The following TMPRSS11B variants were observed in gnomAD, a reference collection of about 807,000 sequenced individuals.
TMPRSS11B encodes the protein transmembrane protease serine 11B.
TMPRSS11B carries 53 observed loss-of-function variants against 44.7 expected under a neutral mutation model. The ratio of observed to expected loss-of-function variants is 1.19; its 90% CI spans 0.95 to 1.49. The LOEUF is 1.49. TMPRSS11B is among the 40% of genes most tolerant of loss of function. TMPRSS11B has a pLI of 0.00. For missense variants in TMPRSS11B, 526 were observed against 494.8 expected (o/e 1.06, Z -0.60); for synonymous variants, 140 against 159.2 (o/e 0.88, Z 0.91).
At chr4:68,232,472 G>T in intron 5 of TMPRSS11B, 56 bp from the exon 6 acceptor site, 1 of 1,489,282 alleles carries the variant, frequency 6.7e-7, no homozygotes, top group South Asian at 1.1e-5. Flanking sequence ...CCAAGCAATT[G>T]ACTTCAACCT....
rs1471330816 is a variant in TMPRSS11B at position 68,229,392 on chromosome 4, T to C, written c.811A>G (p.Ile271Val). ...NYSSPGLHDDIALVQLAEEVS... is the reference protein window; with the variant it reads ...NYSSPGLHDDVALVQLAEEVS... ...TCTTCAGCAAGCTGCACAAGGGCAA[T>C]ATCATCATGAAGCCCAGGACTGCTA... The change falls in exon 8 of 10, where the codon ATT (isoleucine) becomes GTT (valine). Residue 271 changes from isoleucine to valine, a missense_variant. Physicochemically the swap from Ile to Val is conservative, Grantham distance 29 (BLOSUM62 3). Transcript: ENST00000332644. 1 of 1,614,100 alleles carries C rather than the reference T, an allele frequency of 6.2e-7. No homozygotes were observed. Among genetic ancestry groups the C allele is most frequent in the Middle Eastern group, 1.7e-4 (1 of 6,060 alleles).
chr4:68,239,708 T>C (rs896246913), intron 2 of TMPRSS11B, among the ~76,000 whole-genome samples: 3 of 152,180 alleles, frequency 2.0e-5, no homozygotes, highest in Non-Finnish European at 4.4e-5. Context: ...CTCTAAAACA[T>C]TGTTTTATAC....
intron 8 of TMPRSS11B, among the ~76,000 whole-genome samples, 163 bp from the exon 9 acceptor site, chr4:68,229,047 C>T (rs572862754): frequency 6.6e-6 from 1 of 152,258 alleles, no homozygotes; most frequent in East Asian, 1.9e-4. Context: ...CTGCCTAACA[C>T]ATAATTTCAA....
chr4:68,236,588 C>T (rs1719674611), intron 2 of TMPRSS11B, among the ~76,000 whole-genome samples: 1 of 152,182 alleles, frequency 6.6e-6, no homozygotes, highest in African/African-American at 2.4e-5. Context: ...ATGATCCCCG[C>T]TTTCCCTTTA....
chr4:68,244,321 C>T (rs1421516798), intron 1 of TMPRSS11B, among the ~76,000 whole-genome samples: 1 of 152,158 alleles, frequency 6.6e-6, no homozygotes, highest in African/African-American at 2.4e-5. Context: ...AATGAATCTA[C>T]TTCAAATAAG....
Position 68,234,488 on chromosome 4 carries a change from TG to T in TMPRSS11B, c.443del (p.Ala148GlufsTer28). 1 of 1,613,980 alleles carries T rather than the reference TG, an allele frequency of 6.2e-7. No homozygotes were observed. Among genetic ancestry groups the T allele is most frequent in the East Asian group, 2.2e-5 (1 of 44,840 alleles). On this transcript the variant is annotated frameshift_variant, in exon 5 of 10. Coordinates refer to ENST00000332644, the MANE Select transcript of TMPRSS11B (RefSeq NM_182502.3). LOFTEE classifies it high-confidence loss of function. ...MLKNNMASWN[A>X]VPASIKLMEI... ...CCATGAGTTTAATGGAAGCAGGAAC[TG>T]CATTCCAGGATGCCATGTTGTTTTT...
chr4:68,228,794 G>A lies in TMPRSS11B; in HGVS notation c.1037C>T (p.Thr346Ile). 6.2e-7 allele frequency: 1 copy of A among 1,613,758 alleles called. No individual in the cohort carries two copies. Among genetic ancestry groups the A allele is most frequent in the Non-Finnish European group, 8.5e-7 (1 of 1,179,824 alleles). Residue 346 changes from threonine to isoleucine, a missense_variant, in exon 9 of 10, where the codon ACT (threonine) becomes ATT (isoleucine). By Grantham distance (89) the Thr-to-Ile change is moderately conservative. Transcript: ENST00000332644. ...AAATCCAGCACATAACATTGTATCAGTCACAAAGCCAGAGTATGCATATGA... is the reference window on the plus strand; with the variant it reads ...AAATCCAGCACATAACATTGTATCAATCACAAAGCCAGAGTATGCATATGA... Reference protein sequence around the residue: ...NASYAYSGFVTDTMLCAGFMS... With the variant: ...NASYAYSGFVIDTMLCAGFMS...
chr4:68,228,040 A>C lies in TMPRSS11B; in HGVS notation c.1122T>G (p.Asp374Glu). The stretch of plus-strand genomic sequence containing the variant: ...CAACAAGATGCCAGATATTTCTGGA[A>C]TCAGGGTAAGCTAGTGGTCCACCAG... ...NDSGGPLAYP[D>E]SRNIWHLVGI... Residue 374 changes from aspartate (D) to glutamate (E), a missense_variant, in exon 10 of 10, where the codon GAT (aspartate) becomes GAG (glutamate). Transcript: ENST00000332644. 2.5e-6 allele frequency: 4 copies of C among 1,613,298 alleles called. No homozygotes were observed. The highest frequency in any genetic ancestry group is 3.4e-6 in the Non-Finnish European group (4 of 1,179,758).
In TMPRSS11B at chr4:68,245,427, C is replaced by A. The variant is rs904316763; in HGVS notation, c.8+124G>T. 2.0e-5 allele frequency: 21 copies of A among 1,057,678 alleles called. No individual in the cohort carries two copies. The African/African-American group carries it at 3.1e-4, about 16-fold the overall frequency. 65.5% of individuals were successfully genotyped at this position (1,057,678 alleles called of 1,614,324 possible). A position where few individuals can be genotyped will look rare whatever the true frequency, so the allele number is the denominator to read the frequency against. ...GTAGACCTCAGACAATAGAGTGTTT[C>A]TTAACAGTGTCCAGGAATAAAAACT... On this transcript the variant is annotated intron_variant, in intron 1 of 9. Transcript: ENST00000332644.
chr4:68,227,812 A>G lies in TMPRSS11B; in HGVS notation c.*99T>C. 1.4e-6 allele frequency: 1 copy of G among 731,836 alleles called. No homozygotes were observed. The highest frequency in any genetic ancestry group is 6.4e-5 in the South Asian group (1 of 15,582). The allele number at this position is 731,836 out of a possible 1,614,324, so 45.3% of individuals were successfully genotyped here. A position where few individuals can be genotyped will look rare whatever the true frequency, so the allele number is the denominator to read the frequency against. On this transcript the variant is annotated 3_prime_UTR_variant, in exon 10 of 10. Transcript: ENST00000332644. Reference sequence around the variant, plus strand: ...CATTTATATTTTTATATATAATAAAATGATTAGTTTACCAACAATCAAAAT... The same window carrying G: ...CATTTATATTTTTATATATAATAAAGTGATTAGTTTACCAACAATCAAAAT...
intron 5 of TMPRSS11B, among the ~76,000 whole-genome samples, chr4:68,233,429 T>C (rs1482539047): frequency 1.3e-5 from 2 of 152,102 alleles, no homozygotes; most frequent in Non-Finnish European, 2.9e-5. Context: ...ACAATCCAAG[T>C]GACAGTTTCA....
chr4:68,235,794 G>A (rs544205272), intron 4 of TMPRSS11B, among the ~76,000 whole-genome samples: 73 of 152,124 alleles, frequency 4.8e-4, no homozygotes, highest in Non-Finnish European at 8.2e-4. Context: ...AAATTTGCTA[G>A]ATACAATGAT....
Position 68,245,617 on chromosome 4 carries a change from T to C in TMPRSS11B, c.-59A>G. On this transcript the variant is annotated 5_prime_UTR_variant, in exon 1 of 10. Coordinates refer to ENST00000332644, the MANE Select transcript of TMPRSS11B (RefSeq NM_182502.3). ...ACGGTGGTAATGATGATGACGAAGA[T>C]AACGATAACGATGACAATGCTGGTA... 1 of 1,585,170 alleles carries C rather than the reference T, an allele frequency of 6.3e-7. No individual in the cohort carries two copies.
At chr4:68,233,041 T>C (rs1306853249) in intron 5 of TMPRSS11B, among the ~76,000 whole-genome samples, 1 of 152,066 alleles carries the variant, frequency 6.6e-6, no homozygotes, top group African/African-American at 2.4e-5. Flanking sequence ...AATCATGAAA[T>C]TTTGAGAACT....
chr4:68,238,134 T>A (rs1719725792), intron 2 of TMPRSS11B, among the ~76,000 whole-genome samples: 1 of 152,198 alleles, frequency 6.6e-6, no homozygotes, highest in East Asian at 1.9e-4. Flanking sequence ...ACATACACCA[T>A]GTAGTCTCTA....
In TMPRSS11B at chr4:68,228,671, A is replaced by T. The variant is rs961481245; in HGVS notation, c.1089+71T>A. On this transcript the variant is annotated intron_variant, in intron 9 of 9. Coordinates refer to ENST00000332644, the MANE Select transcript of TMPRSS11B (RefSeq NM_182502.3). ...ATGTCAGTATTATTAACACAAAAAA[A>T]ATTTTATGTGGATAAAAACTTCCAT... 24 of 1,513,010 alleles carry T rather than the reference A, an allele frequency of 1.6e-5. No individual in the cohort carries two copies. The South Asian group carries it at 2.5e-4, about 16-fold the overall frequency. The allele number at this position is 1,513,010 out of a possible 1,614,324, so 93.7% of individuals were successfully genotyped here.
intron 7 of TMPRSS11B, among the ~76,000 whole-genome samples, chr4:68,230,457 A>C: frequency 6.6e-6 from 1 of 152,178 alleles, no homozygotes; most frequent in East Asian, 1.9e-4. Context: ...CAAGACAAGG[A>C]AGCACCTAGT....
chr4:68,238,146 G>A (rs886462121), intron 2 of TMPRSS11B, among the ~76,000 whole-genome samples: 1 of 152,138 alleles, frequency 6.6e-6, no homozygotes, highest in Non-Finnish European at 1.5e-5. Flanking sequence ...TAGTCTCTAA[G>A]TTACTGAAAA....
chr4:68,235,549 A>T (rs1166396266), intron 4 of TMPRSS11B, among the ~76,000 whole-genome samples: 2 of 152,166 alleles, frequency 1.3e-5, no homozygotes. Context: ...GTCTTAAAAT[A>T]TTGTCTTTGT....
Sources: allele counts gnomAD v4.1 joint callset (sites outside exome capture counted in the v4.1 genomes callset), GRCh38; gene constraint gnomAD v4.1.1; transcripts MANE v1.5; gene names NCBI Gene and HGNC (gene_info 2026-07-23, HGNC 2026-07-21).